The following GPM6B variants were observed in gnomAD, a reference collection of about 807,000 sequenced individuals.
The protein encoded by GPM6B is neuronal membrane glycoprotein M6-b.
In GPM6B, 4 loss-of-function variants were observed where a neutral mutation model predicts 27.2. That is an observed-to-expected ratio of 0.15 (90% CI 0.07 to 0.34). GPM6B has a LOEUF of 0.34. GPM6B is among the 10% of genes least tolerant of loss of function. The pLI, the probability that GPM6B is intolerant of heterozygous loss-of-function variation, is 1.00. For missense variants in GPM6B, 183 were observed against 261.9 expected, an observed-to-expected ratio of 0.70 and a Z score of 2.08; for synonymous variants, 124 against 103.1, an observed-to-expected ratio of 1.20 and a Z score of -1.23.
At chrX:13,785,311 G>GT (rs988268240) in intron 3 of GPM6B, among the ~76,000 whole-genome samples, 4 of 111,418 alleles carry the variant, frequency 3.6e-5, no homozygotes, top group African/African-American at 1.3e-4. Flanking sequence ...GTATCACTCT[G>GT]TCACCCAGGC....
chrX:13,926,423 A>G (rs1921209998), intron 1 of GPM6B, among the ~76,000 whole-genome samples: 2 of 18,995 alleles, frequency 1.1e-4, no homozygotes, highest in Middle Eastern at 0.026. Flanking sequence ...AAAACAAACA[A>G]ACAAAAAAAA....
intron 1 of GPM6B, among the ~76,000 whole-genome samples, chrX:13,808,620 A>G (rs371383776): frequency 1.8e-5 from 2 of 111,754 alleles, no homozygotes; most frequent in East Asian, 5.6e-4. Flanking sequence ...CGAGAATCCC[A>G]TAAAACCTAA....
At chrX:13,796,353 G>C (rs2048816097) in intron 2 of GPM6B, among the ~76,000 whole-genome samples, 2 of 112,331 alleles carry the variant, frequency 1.8e-5, no homozygotes. Context: ...ACAGGCATGA[G>C]CCACCATGCC....
At chrX:13,798,360 C>T (rs916718337) in intron 2 of GPM6B, among the ~76,000 whole-genome samples, 2 of 107,656 alleles carry the variant, frequency 1.9e-5, no homozygotes, top group African/African-American at 6.8e-5. Flanking sequence ...TTTTACTAGA[C>T]AAGCAGAGGG....
intron 1 of GPM6B, among the ~76,000 whole-genome samples, chrX:13,846,311 C>G (rs1603074568): frequency 1.8e-5 from 2 of 111,043 alleles, no homozygotes; most frequent in East Asian, 5.6e-4. Flanking sequence ...ATGCTGGATA[C>G]TTCCCAGGCC....
rs180675515 is a variant in GPM6B at position 13,795,640 on chromosome X, C to G, written c.182-9832G>C. Reference sequence around the variant, plus strand: ...TTATTTTCTTTTTGAAAATCGTTATCTTTCCTAAACATTACTTAGGTTGAC... The same window carrying G: ...TTATTTTCTTTTTGAAAATCGTTATGTTTCCTAAACATTACTTAGGTTGAC... On this transcript the variant is annotated intron_variant, in intron 2 of 7. Transcript: ENST00000316715. Among the ~76,000 whole-genome samples the G allele has an allele frequency of 1.8e-3, 201 of 110,775 alleles. 1 individual carries two copies. Among genetic ancestry groups the G allele is most frequent in the African/African-American group, 5.9e-3 (180 of 30,468 alleles).
intron 1 of GPM6B, among the ~76,000 whole-genome samples, chrX:13,831,226 A>ACACACACACACAC: frequency 9.6e-6 from 1 of 104,426 alleles, no homozygotes; most frequent in African/African-American, 3.5e-5. Flanking sequence ...ACACACACAC[A>ACACACACACACAC]AATGGCTTGG....
At chrX:13,928,355 A>G (rs1230410349) in intron 1 of GPM6B, among the ~76,000 whole-genome samples, 2 of 112,612 alleles carry the variant, frequency 1.8e-5, no homozygotes, top group Non-Finnish European at 3.7e-5. Flanking sequence ...ATTTTTAATG[A>G]GTTTACGATA....
At chrX:13,890,283 A>C (rs941088492) in intron 1 of GPM6B, among the ~76,000 whole-genome samples, 8 of 112,018 alleles carry the variant, frequency 7.1e-5, no homozygotes, top group Non-Finnish European at 1.5e-4. Context: ...CAACGTCAGA[A>C]AGTTACCCTA....
intron 1 of GPM6B, among the ~76,000 whole-genome samples, chrX:13,921,962 G>A (rs1920983360): frequency 9.0e-6 from 1 of 111,480 alleles, no homozygotes; most frequent in African/African-American, 3.3e-5. Context: ...AGGTCATCAG[G>A]TCATTGCCAT....
intron 1 of GPM6B, among the ~76,000 whole-genome samples, chrX:13,919,738 T>C (rs1187315853): frequency 9.0e-6 from 1 of 111,484 alleles, no homozygotes; most frequent in African/African-American, 3.3e-5. Context: ...TCCCATGTCA[T>C]CCTTAACAAT....
At chrX:13,815,045 C>A (rs1244697514) in intron 1 of GPM6B, among the ~76,000 whole-genome samples, 1 of 111,524 alleles carries the variant, frequency 9.0e-6, no homozygotes, top group African/African-American at 3.3e-5. Context: ...TACTAGCAAC[C>A]TGTAGATCTG....
At chrX:13,858,728 T>C (rs949432507) in intron 1 of GPM6B, among the ~76,000 whole-genome samples, 14 of 112,034 alleles carry the variant, frequency 1.2e-4, no homozygotes, top group Admixed American at 1.1e-3. Context: ...AGGCCTTCCC[T>C]GACCACCCCT....
intron 1 of GPM6B, among the ~76,000 whole-genome samples, chrX:13,842,965 G>A (rs1296571892): frequency 9.0e-6 from 1 of 111,173 alleles, no homozygotes; most frequent in East Asian, 2.8e-4. Flanking sequence ...CATTTTAAGT[G>A]TACAATTTTT....
intron 1 of GPM6B, among the ~76,000 whole-genome samples, chrX:13,876,958 A>G (rs1293645346): frequency 9.0e-6 from 1 of 111,121 alleles, no homozygotes; most frequent in African/African-American, 3.3e-5. Context: ...TAGTTCATGC[A>G]AGTGCACAGA....
intron 1 of GPM6B, among the ~76,000 whole-genome samples, chrX:13,848,320 A>C (rs982612120): frequency 9.0e-6 from 1 of 111,325 alleles, no homozygotes; most frequent in African/African-American, 3.3e-5. Context: ...TGCTTCTTTC[A>C]TGCCCCTACA....
At chrX:13,932,223 T>C (rs1429547840) in intron 1 of GPM6B, among the ~76,000 whole-genome samples, 3 of 111,345 alleles carry the variant, frequency 2.7e-5, no homozygotes, top group Non-Finnish European at 5.7e-5. Flanking sequence ...CACAGCAGCC[T>C]CTGCCACGGC....
chrX:13,799,478 C>T (rs1350065745), intron 2 of GPM6B, among the ~76,000 whole-genome samples: 1 of 108,378 alleles, frequency 9.2e-6, no homozygotes, highest in African/African-American at 3.4e-5. Flanking sequence ...AGTAGCCAAT[C>T]TGAACTTACT....
intron 1 of GPM6B, among the ~76,000 whole-genome samples, chrX:13,832,369 A>G (rs2049449174): frequency 8.9e-6 from 1 of 112,418 alleles, no homozygotes; most frequent in Non-Finnish European, 1.9e-5. Flanking sequence ...TTTGAAATTT[A>G]CCAACATGTG....
Sources: allele counts gnomAD v4.1 joint callset (sites outside exome capture counted in the v4.1 genomes callset), GRCh38; gene constraint gnomAD v4.1.1; transcripts MANE v1.5; gene names NCBI Gene and HGNC (gene_info 2026-07-23, HGNC 2026-07-21).